Variants in MDFIC observed in about 807,000 individuals in gnomAD.
MDFIC encodes MyoD family inhibitor domain containing.
Under a neutral mutation model 23.2 loss-of-function variants are expected in MDFIC, and 17 were observed. That is an observed-to-expected ratio of 0.73 (90% confidence interval 0.50 to 1.10). MDFIC has a LOEUF of 1.10. Ranked by LOEUF, MDFIC falls within the 50% of genes least tolerant of loss-of-function variation. The pLI is 0.00. For missense variants in MDFIC, 356 were observed against 316.6 expected (o/e 1.12, Z -0.95); for synonymous variants, 120 against 115.2 (o/e 1.04, Z -0.27).
intron 3 of MDFIC, among the ~76,000 whole-genome samples, chr7:114,966,018 A>G (rs1793088222): frequency 6.6e-6 from 1 of 152,176 alleles, no homozygotes; most frequent in African/African-American, 2.4e-5. Context: ...CTGCTTCTAG[A>G]GAGAATGTTT....
chr7:114,965,186 G>C (rs1793073077), intron 3 of MDFIC, among the ~76,000 whole-genome samples: 1 of 152,182 alleles, frequency 6.6e-6, no homozygotes, highest in South Asian at 2.1e-4. Flanking sequence ...ACAAGGCCTA[G>C]AGGCATGAAA....
chr7:114,991,324 C>A (rs1040297204), intron 4 of MDFIC, among the ~76,000 whole-genome samples: 14 of 152,062 alleles, frequency 9.2e-5, no homozygotes, highest in Non-Finnish European at 1.8e-4. Flanking sequence ...ATGGTAGTTT[C>A]TTTTGCTGTG....
intron 3 of MDFIC, among the ~76,000 whole-genome samples, chr7:114,951,127 A>G (rs1209910740): frequency 1.3e-5 from 2 of 152,228 alleles, no homozygotes; most frequent in African/African-American, 4.8e-5. Context: ...TTGGGACTGC[A>G]GTGAACTGTG....
chr7:114,998,676 T>A (rs902290776), intron 4 of MDFIC, among the ~76,000 whole-genome samples: 2 of 152,330 alleles, frequency 1.3e-5, no homozygotes, highest in South Asian at 4.1e-4. Context: ...ATAAATTACC[T>A]GTTTTCCCCC....
At chr7:114,990,137 G>A (rs565709908) in intron 4 of MDFIC, among the ~76,000 whole-genome samples, 3 of 152,216 alleles carry the variant, frequency 2.0e-5, no homozygotes, top group Admixed American at 6.6e-5. Context: ...GCTTTAGTAT[G>A]CTCTACTCAT....
At chr7:115,013,685 T>C (rs1420636222) in intron 4 of MDFIC, among the ~76,000 whole-genome samples, 1 of 152,234 alleles carries the variant, frequency 6.6e-6, no homozygotes, top group East Asian at 1.9e-4. Flanking sequence ...GCTGGCTGTT[T>C]ATAACATTAC....
intron 4 of MDFIC, among the ~76,000 whole-genome samples, chr7:114,991,328 T>C (rs1791154702): frequency 6.6e-6 from 1 of 152,162 alleles, no homozygotes; most frequent in South Asian, 2.1e-4. Context: ...TAGTTTCTTT[T>C]GCTGTGCAGA....
At chr7:115,004,029 A>G (rs897546017) in intron 4 of MDFIC, among the ~76,000 whole-genome samples, 6 of 152,224 alleles carry the variant, frequency 3.9e-5, no homozygotes, top group Non-Finnish European at 7.3e-5. Flanking sequence ...CACTATATAA[A>G]AGGTTGCTAA....
chr7:114,952,496 T>C (rs1405420508), intron 3 of MDFIC, among the ~76,000 whole-genome samples: 1 of 152,114 alleles, frequency 6.6e-6, no homozygotes, highest in Admixed American at 6.5e-5. Context: ...CTGGATTTTT[T>C]CCAGGTCCCT....
chr7:114,951,418 C>T (rs1792767077), intron 3 of MDFIC, among the ~76,000 whole-genome samples: 1 of 151,712 alleles, frequency 6.6e-6, no homozygotes, highest in Non-Finnish European at 1.5e-5. Context: ...TCCATTTAGT[C>T]TAGTAGATAT....
At chr7:114,928,078 A>G (rs1563134322) in intron 2 of MDFIC, among the ~76,000 whole-genome samples, 1 of 152,204 alleles carries the variant, frequency 6.6e-6, no homozygotes, top group Non-Finnish European at 1.5e-5. Context: ...TTATACTTCT[A>G]ACTTTTTATG....
intron 3 of MDFIC, among the ~76,000 whole-genome samples, chr7:114,975,522 G>A (rs1011779233): frequency 2.7e-5 from 4 of 150,806 alleles, no homozygotes; most frequent in African/African-American, 9.7e-5. Context: ...GGCATCACTT[G>A]TGTTTTAAGA....
Position 115,015,874 on chromosome 7 carries a change from G to T in MDFIC, c.680G>T (p.Cys227Phe), listed in dbSNP as rs1585126016. The change falls in exon 5 of 5, where the codon TGT (cysteine) becomes TTT (phenylalanine). Residue 227 changes from cysteine to phenylalanine, a missense_variant. Transcript: ENST00000393486. ...DMDCGIMDAC[C>F]ESSDCLEICM... ...GACTGTGGCATCATGGATGCCTGTT[G>T]TGAATCATCAGACTGCTTGGAAATC... 2 of 1,614,044 alleles carry T rather than the reference G, an allele frequency of 1.2e-6. No homozygotes were observed. The highest frequency in any genetic ancestry group is 1.7e-6 in the Non-Finnish European group (2 of 1,179,996).
At chr7:114,934,667 A>T (rs1212514815) in intron 2 of MDFIC, among the ~76,000 whole-genome samples, 1 of 152,230 alleles carries the variant, frequency 6.6e-6, no homozygotes, top group Non-Finnish European at 1.5e-5. Flanking sequence ...ATTTTTCAGA[A>T]TACTGATAAC....
chr7:114,922,894 T>C (rs765345395), intron 1 of MDFIC, 33 bp from the exon 2 acceptor site: 3 of 1,542,872 alleles, frequency 1.9e-6, no homozygotes, highest in Non-Finnish European at 2.6e-6. Flanking sequence ...CTAAAAACAT[T>C]TTTTTTTTTA....
Position 115,008,874 on chromosome 7 carries a change from G to A in MDFIC, c.494-6814G>A, listed in dbSNP as rs139731362. ...ACAGTAAAGCAGTATCTAGGAAGAG[G>A]AAAGCCTTCACCCAGTCAGACTTCT... is the stretch of plus-strand genomic sequence containing the variant. On this transcript the variant is annotated intron_variant, in intron 4 of 4. Transcript: ENST00000393486. Among the ~76,000 whole-genome samples the A allele has an allele frequency of 1.5e-3, 235 of 152,298 alleles. 3 individuals are homozygous for A. The highest frequency in any genetic ancestry group is 5.0e-3 in the African/African-American group (206 of 41,554).
chr7:114,983,099 T>G (rs1379896127), intron 4 of MDFIC, among the ~76,000 whole-genome samples: 1 of 152,224 alleles, frequency 6.6e-6, no homozygotes, highest in Non-Finnish European at 1.5e-5. Context: ...CTTTTCTCAG[T>G]TTTATGACTG....
chr7:114,997,118 G>C (rs1319691738), intron 4 of MDFIC, among the ~76,000 whole-genome samples: 1 of 152,198 alleles, frequency 6.6e-6, no homozygotes, highest in African/African-American at 2.4e-5. Flanking sequence ...TTGTGATCGG[G>C]CTAGAGTGTG....
intron 4 of MDFIC, among the ~76,000 whole-genome samples, chr7:115,012,404 C>T (rs1791699558): frequency 6.6e-6 from 1 of 152,138 alleles, no homozygotes; most frequent in Non-Finnish European, 1.5e-5. Flanking sequence ...ACAACTTGCA[C>T]ATGTTAAATT....
Sources: gnomAD v4.1 joint callset for allele counts (sites outside exome capture counted in the v4.1 genomes callset) on GRCh38, gnomAD v4.1.1 for gene constraint, MANE v1.5 for transcripts, NCBI Gene and HGNC (gene_info 2026-07-23, HGNC 2026-07-21) for gene names.